The following ILK variants were observed in gnomAD, a reference collection of about 807,000 sequenced individuals.
The protein encoded by ILK is scaffold protein ILK.
Under a neutral mutation model 57.8 loss-of-function variants are expected in ILK, and 37 were observed. The ratio of observed to expected loss-of-function variants is 0.64; its 90% CI spans 0.49 to 0.84. ILK has a LOEUF of 0.84. Ranked by LOEUF, ILK falls within the 40% of genes least tolerant of loss-of-function variation. ILK has a pLI of 0.00. For missense variants in ILK, 528 were observed against 595.7 expected (o/e 0.89, Z 1.18); for synonymous variants, 231 against 202.2 (o/e 1.14, Z -1.21).
chr11:6,605,112 G>A (rs1479126546), intron 2 of ILK, among the ~76,000 whole-genome samples: 1 of 152,144 alleles, frequency 6.6e-6, no homozygotes, highest in Non-Finnish European at 1.5e-5. Flanking sequence ...ATTTTATTTT[G>A]GACATGTTAA....
chr11:6,609,655 G>C lies in ILK; in HGVS notation c.856+16G>C. 1 of 1,614,190 alleles carries C rather than the reference G, an allele frequency of 6.2e-7. No homozygotes were observed. The highest frequency in any genetic ancestry group is 8.5e-7 in the Non-Finnish European group (1 of 1,180,040). On this transcript the variant is annotated intron_variant, in intron 9 of 12. Transcript: ENST00000299421. ...GAAGGCACCAGTGAGTAGGGATGTT[G>C]AATTTCCTTGGGGAGGAAATGGCAG...
rs763645297 is a variant in ILK at position 6,610,475 on chromosome 11, G to GC, written c.1225dup (p.Leu409ProfsTer15). 1.2e-5 allele frequency: 19 copies of GC among 1,614,202 alleles called. No individual in the cohort carries two copies. Among genetic ancestry groups the GC allele is most frequent in the Non-Finnish European group, 1.6e-5 (19 of 1,180,034 alleles). On this transcript the variant is annotated frameshift_variant, in exon 13 of 13. Transcript: ENST00000299421. LOFTEE classifies it high-confidence loss of function. ...TTGTATTCGCAGGTGGCATTGGAAG[G>GC]CCTTCGGCCTACCATCCCACCAGGT...
At chr11:6,607,866 T>G in intron 2 of ILK, 180 bp from the exon 3 acceptor site, 1 of 623,028 alleles carries the variant, frequency 1.6e-6, no homozygotes, top group African/African-American at 1.8e-5. Flanking sequence ...GTGGTTGGTT[T>G]GGTTTGAAGC....
At chr11:6,604,934 T>C (rs1045198862) in intron 2 of ILK, 25 of 455,678 alleles carry the variant, frequency 5.5e-5, no homozygotes, top group South Asian at 2.3e-4. Context: ...TGTCTTGGAC[T>C]AGAATTAGGG....
At position 6,607,188 on chromosome 11, in the gene ILK, G is replaced by A. The variant is rs575059029; in HGVS notation, c.90-858G>A. 5 of 152,554 alleles carry A rather than the reference G, an allele frequency of 3.3e-5. No individual in the cohort carries two copies. In the South Asian group the frequency reaches 1.0e-3, roughly 32 times the overall value. 9.5% of individuals were successfully genotyped at this position (152,554 alleles called of 1,614,324 possible). A position where few individuals can be genotyped will look rare whatever the true frequency, so the allele number is the denominator to read the frequency against. ...CCCTTGAATCTGCAGCCCCGAACTG[G>A]AGGGAATTTCCTTTTATGGCCCCAG... On this transcript the variant is annotated intron_variant, in intron 2 of 12. Coordinates refer to ENST00000299421, the MANE Select transcript of ILK (RefSeq NM_004517.4).
chr11:6,607,185 C>G (rs1855004995), intron 2 of ILK: 1 of 152,468 alleles, frequency 6.6e-6, no homozygotes, highest in African/African-American at 2.4e-5. Context: ...CAGCCCCGAA[C>G]TGGAGGGAAT....
In ILK at chr11:6,608,494, G is replaced by C; in HGVS notation, c.351+5G>C. ...GGCCAAGATCAAGTGGCAGAGGTGA[G>C]TACTCAGCCCTTAATTCCTGAGATG... On this transcript the variant is annotated splice_donor_5th_base_variant and intron_variant, in intron 4 of 12. Coordinates refer to ENST00000299421, the MANE Select transcript of ILK (RefSeq NM_004517.4). This position sits in a 1 kb window ranked among gnomAD's most constrained non-coding sequence, Gnocchi z 4.9. 6.2e-7 allele frequency: 1 copy of C among 1,605,006 alleles called. No individual in the cohort carries two copies. Among genetic ancestry groups the C allele is most frequent in the Non-Finnish European group, 8.5e-7 (1 of 1,171,618 alleles).
rs1855334579 is a variant in ILK at position 6,609,978 on chromosome 11, A to C, written c.1021A>C (p.Lys341Gln). 2 of 1,614,194 alleles carry C rather than the reference A, an allele frequency of 1.2e-6. No individual in the cohort carries two copies. The highest frequency in any genetic ancestry group is 1.7e-6 in the Non-Finnish European group (2 of 1,180,040). Residue 341 changes from lysine to glutamine, a missense_variant, in exon 11 of 13, where the codon AAG becomes CAG. Coordinates refer to ENST00000299421, the MANE Select transcript of ILK (RefSeq NM_004517.4). The stretch of plus-strand genomic sequence containing the variant: ...TGCCCGAATTAGCATGGCTGATGTC[A>C]AGTTCTCTTTCCAATGTCCTGGTCG... Reference protein sequence around the residue: ...MTARISMADVKFSFQCPGRMY... With the variant: ...MTARISMADVQFSFQCPGRMY...
In ILK at chr11:6,608,950, C is replaced by T. The variant is rs756271344; in HGVS notation, c.515C>T (p.Thr172Ile). Residue 172 changes from threonine to isoleucine, a missense_variant, in exon 6 of 13, where the codon ACC becomes ATC. Transcript: ENST00000299421. The surrounding 1 kb of genome is among the most constrained non-coding windows in gnomAD (Gnocchi z 4.9). ...TACAAGGACACATTCTGGAAGGGGA[C>T]CACCCGCACTCGGCCCCGTGAGTCA... is the stretch of plus-strand genomic sequence containing the variant. ...IPYKDTFWKG[T>I]TRTRPRNGTL... The T allele has an allele frequency of 3.7e-6, 6 of 1,614,184 alleles. No homozygotes were observed. In the Admixed American group the frequency reaches 8.3e-5, roughly 22 times the overall value.
intron 1 of ILK, 50 bp downstream of exon 1, chr11:6,603,872 T>G: frequency 2.6e-6 from 1 of 377,958 alleles, no homozygotes; most frequent in Non-Finnish European, 4.9e-6. Context: ...TTCTCCTGAG[T>G]CCCAAGTAAG....
Position 6,608,642 on chromosome 11 carries a change from G to A in ILK, c.352-52G>A, listed in dbSNP as rs1453761876. The A allele has an allele frequency of 5.4e-6, 8 of 1,479,556 alleles. No homozygotes were observed. Among genetic ancestry groups the A allele is most frequent in the Non-Finnish European group, 7.6e-6 (8 of 1,057,206 alleles). The allele number at this position is 1,479,556 out of a possible 1,614,324, so 91.7% of individuals were successfully genotyped here. A position where few individuals can be genotyped will look rare whatever the true frequency, so the allele number is the denominator to read the frequency against. On this transcript the variant is annotated intron_variant, in intron 4 of 12. Coordinates refer to ENST00000299421, the MANE Select transcript of ILK (RefSeq NM_004517.4). This position sits in a 1 kb window ranked among gnomAD's most constrained non-coding sequence, Gnocchi z 4.9. Reference sequence around the variant, plus strand: ...TTTGTGCATTCATGGTTGGTTCAGTGACTGCCAGCGAGGTAGCAGTGGCTC... The same window carrying A: ...TTTGTGCATTCATGGTTGGTTCAGTAACTGCCAGCGAGGTAGCAGTGGCTC...
At position 6,608,024 on chromosome 11, in the gene ILK, G is replaced by T; in HGVS notation, c.90-22G>T. The T allele has an allele frequency of 2.5e-6, 4 of 1,613,284 alleles. No homozygotes were observed. The highest frequency in any genetic ancestry group is 2.2e-5 in the South Asian group (2 of 90,992). The stretch of plus-strand genomic sequence containing the variant: ...TGCCCCATCCCACCTCCAGCTCAAT[G>T]ACCATTGCCCCTTCCTCAAAGGGAC... On this transcript the variant is annotated intron_variant, in intron 2 of 12. Coordinates refer to ENST00000299421, the MANE Select transcript of ILK (RefSeq NM_004517.4). This position sits in a 1 kb window ranked among gnomAD's most constrained non-coding sequence, Gnocchi z 4.9.
chr11:6,609,064 C>T lies in ILK; in HGVS notation c.533-7C>T. The T allele has an allele frequency of 4.3e-6, 7 of 1,613,910 alleles. No individual in the cohort carries two copies. The highest frequency in any genetic ancestry group is 5.9e-6 in the Non-Finnish European group (7 of 1,179,750). ...AAGCTGGGTACCTGACCTGCCCACA[C>T]TCTTAGGAAATGGAACCCTGAACAA... On this transcript the variant is annotated splice_polypyrimidine_tract_variant and splice_region_variant and intron_variant, in intron 6 of 12. Transcript: ENST00000299421.
In ILK at chr11:6,604,995, T is replaced by C. The variant is rs139362114; in HGVS notation, c.89+635T>C. Reference sequence around the variant, plus strand: ...TTCCAGAAGTCTTTAGGACGAAGAATTGTGGAACTTGGTGTGGGGAGTGAG... The same window carrying C: ...TTCCAGAAGTCTTTAGGACGAAGAACTGTGGAACTTGGTGTGGGGAGTGAG... On this transcript the variant is annotated intron_variant, in intron 2 of 12. Transcript: ENST00000299421. 1.1e-4 allele frequency: 49 copies of C among 432,414 alleles called. No individual in the cohort carries two copies. In the East Asian group the frequency reaches 3.3e-3, roughly 29 times the overall value. The allele number at this position is 432,414 out of a possible 1,614,324, so 26.8% of individuals were successfully genotyped here. A position where few individuals can be genotyped will look rare whatever the true frequency, so the allele number is the denominator to read the frequency against.
chr11:6,609,895 A>G lies in ILK; in HGVS notation c.979-41A>G, dbSNP rs12288956. 1.9e-3 allele frequency: 3,122 copies of G among 1,614,152 alleles called. 70 individuals carry two copies. The African/African-American group carries it at 0.035, about 18-fold the overall frequency. ...CCCAGGCCCCAAAAGCCCTTTGCCT[A>G]TCTATGACTTACCTCCTTCTATCTG... is the stretch of plus-strand genomic sequence containing the variant. On this transcript the variant is annotated intron_variant, in intron 10 of 12. Coordinates refer to ENST00000299421, the MANE Select transcript of ILK (RefSeq NM_004517.4).
chr11:6,609,438 A>G (rs1387790155), intron 8 of ILK, 30 bp downstream of exon 8: 2 of 1,613,326 alleles, frequency 1.2e-6, no homozygotes, highest in Admixed American at 1.7e-5. Flanking sequence ...GGAAGCTGCT[A>G]GTTCCAAGGA....
chr11:6,605,696 G>A (rs7937222), intron 2 of ILK, among the ~76,000 whole-genome samples: 1,867 of 152,196 alleles, frequency 0.012, 21 homozygotes, highest in South Asian at 0.028. Context: ...AGTGTCTGTT[G>A]CTCCCCTCAG....
chr11:6,606,098 G>A (rs1329345596), intron 2 of ILK, among the ~76,000 whole-genome samples: 2 of 152,312 alleles, frequency 1.3e-5, no homozygotes, highest in Admixed American at 6.5e-5. Flanking sequence ...GCTTGAACCC[G>A]GGAAGCAGAG....
In ILK at chr11:6,608,426, G is replaced by A. The variant is rs148059090; in HGVS notation, c.288G>A (p.Val96=). 2.0e-5 allele frequency: 33 copies of A among 1,614,088 alleles called. No individual in the cohort carries two copies. Among genetic ancestry groups the A allele is most frequent in the Non-Finnish European group, 2.7e-5 (32 of 1,180,026 alleles). Reference sequence around the variant, plus strand: ...AGTACAAGGCAGACATCAATGCAGTGAATGAACACGGGAATGTGCCCCTGC... The same window carrying A: ...AGTACAAGGCAGACATCAATGCAGTAAATGAACACGGGAATGTGCCCCTGC... The part of the protein sequence containing the change: ...LLQYKADINA[V]NEHGNVPLHY... The change falls in exon 4 of 13, where the codon GTG becomes GTA. Residue 96 remains valine, a synonymous_variant. Coordinates refer to ENST00000299421, the MANE Select transcript of ILK (RefSeq NM_004517.4). The surrounding 1 kb of genome is among the most constrained non-coding windows in gnomAD (Gnocchi z 4.9).
Sources: gnomAD v4.1 joint callset for allele counts (sites outside exome capture counted in the v4.1 genomes callset) on GRCh38, gnomAD v4.1.1 for gene constraint, Gnocchi (gnomAD v3.1) non-coding constraint, MANE v1.5 for transcripts, NCBI Gene and HGNC (gene_info 2026-07-23, HGNC 2026-07-21) for gene names.